Variants in TRAF3 observed in about 807,000 individuals in gnomAD.
The protein encoded by TRAF3 is TNF receptor-associated factor 3.
A neutral mutation model predicts 62.3 loss-of-function variants in TRAF3; 13 were observed. That is an observed-to-expected ratio of 0.21 (90% CI 0.14 to 0.33). TRAF3 has a LOEUF of 0.33. Among genes scored for constraint, TRAF3 ranks in the 10% least tolerant of loss-of-function variants. TRAF3 has a pLI of 1.00. For missense variants in TRAF3, 440 were observed against 741.8 expected (o/e 0.59, Z 4.73); for synonymous variants, 269 against 283.4 (o/e 0.95, Z 0.51).
intron 1 of TRAF3, among the ~76,000 whole-genome samples, chr14:102,799,574 C>G (rs1048296142): frequency 3.4e-4 from 52 of 152,262 alleles, no homozygotes; most frequent in African/African-American, 1.2e-3. Flanking sequence ...CCCCAGCCTC[C>G]TGTGTAGCTG....
chr14:102,837,150 T>TTTG (rs745624012), intron 2 of TRAF3, among the ~76,000 whole-genome samples: 6 of 143,000 alleles, frequency 4.2e-5, no homozygotes, highest in Non-Finnish European at 7.6e-5. Context: ...GTGTTTTTTT[T>TTTG]GGGGGGGGGT....
intron 9 of TRAF3, among the ~76,000 whole-genome samples, chr14:102,891,775 C>A (rs143964798): frequency 6.6e-6 from 1 of 151,994 alleles, no homozygotes; most frequent in Non-Finnish European, 1.5e-5. Context: ...TTGTCTGTGG[C>A]TTCTTTTGCT....
chr14:102,810,263 G>T (rs939355961), intron 1 of TRAF3, among the ~76,000 whole-genome samples: 1 of 152,064 alleles, frequency 6.6e-6, no homozygotes, highest in East Asian at 1.9e-4. Context: ...AGGATGGGGC[G>T]GTGCAGTGGG....
At chr14:102,875,138 C>G in intron 4 of TRAF3, among the ~76,000 whole-genome samples, 1 of 152,140 alleles carries the variant, frequency 6.6e-6, no homozygotes, top group East Asian at 1.9e-4. Flanking sequence ...CAAATATGGT[C>G]TCTTATGTGG....
At chr14:102,864,818 A>G (rs1887887276) in intron 2 of TRAF3, among the ~76,000 whole-genome samples, 1 of 152,080 alleles carries the variant, frequency 6.6e-6, no homozygotes, top group African/African-American at 2.4e-5. Context: ...GTGGTGGGGA[A>G]CCTGGGGCAG....
intron 4 of TRAF3, among the ~76,000 whole-genome samples, chr14:102,873,511 A>G (rs975659542): frequency 6.6e-6 from 1 of 152,172 alleles, no homozygotes. Context: ...TTTTAATGAC[A>G]TAAGTAGCTG....
In TRAF3 at chr14:102,903,964, G is replaced by A. The variant is rs567122972; in HGVS notation, c.1135+535G>A. 3.5e-5 allele frequency: 13 copies of A among 369,820 alleles called. No individual in the cohort carries two copies. In the East Asian group the frequency reaches 4.4e-4, roughly 13 times the overall value. The allele number at this position is 369,820 out of a possible 1,614,324, so 22.9% of individuals were successfully genotyped here. A position where few individuals can be genotyped will look rare whatever the true frequency, so the allele number is the denominator to read the frequency against. On this transcript the variant is annotated intron_variant, in intron 11 of 11. Transcript: ENST00000392745. This position sits in a 1 kb window ranked among gnomAD's most constrained non-coding sequence, Gnocchi z 6.4. ...AGATTACCGGTGTGTGTGTGGGGCCGGATGAAGCAGGCAGAGAATGAGGTT... is the reference window on the plus strand; with the variant it reads ...AGATTACCGGTGTGTGTGTGGGGCCAGATGAAGCAGGCAGAGAATGAGGTT...
At chr14:102,895,645 G>A (rs780123876) in intron 9 of TRAF3, among the ~76,000 whole-genome samples, 19 of 152,348 alleles carry the variant, frequency 1.2e-4, no homozygotes, top group Admixed American at 7.8e-4. Context: ...AGAGACACTC[G>A]TTAATAGATG....
At chr14:102,783,513 T>G (rs1897351659) in intron 1 of TRAF3, among the ~76,000 whole-genome samples, 1 of 152,208 alleles carries the variant, frequency 6.6e-6, no homozygotes, top group Non-Finnish European at 1.5e-5. Flanking sequence ...GAGTTTAGGT[T>G]TCAGAGGCTT....
intron 2 of TRAF3, among the ~76,000 whole-genome samples, chr14:102,839,658 A>G (rs905962916): frequency 6.6e-6 from 1 of 152,202 alleles, no homozygotes; most frequent in African/African-American, 2.4e-5. Flanking sequence ...CCCAGATACT[A>G]TATAATTACT....
At chr14:102,860,177 A>G (rs535005652) in intron 2 of TRAF3, among the ~76,000 whole-genome samples, 2 of 152,300 alleles carry the variant, frequency 1.3e-5, no homozygotes, top group South Asian at 4.1e-4. Context: ...AGTATCCCCC[A>G]CAGTGCCATT....
chr14:102,812,097 G>A lies in TRAF3; in HGVS notation c.-156-18237G>A, dbSNP rs71417828. The stretch of plus-strand genomic sequence containing the variant: ...ATATTATTGTTAACTGCAGTCATCC[G>A]ACAGTGCTATAGAACACTAGACTCT... On this transcript the variant is annotated intron_variant, in intron 1 of 11. Coordinates refer to ENST00000392745, the MANE Select transcript of TRAF3 (RefSeq NM_145725.3). Among the ~76,000 whole-genome samples the A allele has an allele frequency of 8.6e-5, 13 of 151,586 alleles. No individual in the cohort carries two copies. In the East Asian group the frequency reaches 2.1e-3, roughly 25 times the overall value.
At chr14:102,841,550 G>A (rs1354003258) in intron 2 of TRAF3, among the ~76,000 whole-genome samples, 1 of 152,224 alleles carries the variant, frequency 6.6e-6, no homozygotes, top group African/African-American at 2.4e-5. Context: ...CTTAGCAGTG[G>A]GGCTGAGTTA....
chr14:102,811,550 G>GTTTTTTTTTTTTTTTTTT (rs35064640), intron 1 of TRAF3, among the ~76,000 whole-genome samples: 8 of 79,506 alleles, frequency 1.0e-4, no homozygotes, highest in African/African-American at 1.4e-4. Context: ...GCTGTAGGCG[G>GTTTTTTTTTTTTTTTTTT]TTTTTTTTTT....
intron 1 of TRAF3, among the ~76,000 whole-genome samples, chr14:102,780,342 G>A (rs1296897607): frequency 6.6e-6 from 1 of 151,774 alleles, no homozygotes; most frequent in Non-Finnish European, 1.5e-5. Context: ...AAAAAACCGA[G>A]AAAATGTTAT....
At chr14:102,855,794 T>TAA (rs59248096) in intron 2 of TRAF3, among the ~76,000 whole-genome samples, 86 of 132,236 alleles carry the variant, frequency 6.5e-4, no homozygotes, top group African/African-American at 2.2e-3. Flanking sequence ...AGACTTTATC[T>TAA]AAAAAAAAAA....
intron 6 of TRAF3, among the ~76,000 whole-genome samples, chr14:102,884,575 C>T (rs1018809484): frequency 6.6e-6 from 1 of 151,938 alleles, no homozygotes; most frequent in African/African-American, 2.4e-5. Context: ...TTTGGGAGGC[C>T]GAGGCAGGTG....
At chr14:102,794,463 G>T (rs1057459287) in intron 1 of TRAF3, among the ~76,000 whole-genome samples, 2 of 152,196 alleles carry the variant, frequency 1.3e-5, no homozygotes, top group South Asian at 4.1e-4. Context: ...GATTACAGGC[G>T]TGAGCTACTG....
intron 1 of TRAF3, among the ~76,000 whole-genome samples, chr14:102,806,826 G>A (rs1404541522): frequency 2.6e-5 from 4 of 152,172 alleles, no homozygotes; most frequent in Non-Finnish European, 5.9e-5. Flanking sequence ...ACAAGGAGGC[G>A]TTTTGTCCAC....
Sources: gnomAD v4.1 joint callset for allele counts (sites outside exome capture counted in the v4.1 genomes callset) on GRCh38, gnomAD v4.1.1 for gene constraint, Gnocchi (gnomAD v3.1) non-coding constraint, MANE v1.5 for transcripts, NCBI Gene and HGNC (gene_info 2026-07-23, HGNC 2026-07-21) for gene names.